Variants in ME3 observed in about 807,000 individuals in gnomAD.
ME3 encodes NADP-dependent malic enzyme, mitochondrial.
Under a neutral mutation model 68.9 loss-of-function variants are expected in ME3, and 48 were observed. That is an observed-to-expected ratio of 0.70 (90% CI 0.55 to 0.89). The LOEUF is 0.89. ME3 is among the 40% of genes least tolerant of loss of function. The pLI is 0.00. For synonymous variants in ME3, 320 were observed against 318.8 expected (o/e 1.00, Z -0.04); for missense variants, 675 against 797.4 (o/e 0.85, Z 1.85).
chr11:86,666,648 A>T (rs959135518), intron 2 of ME3, among the ~76,000 whole-genome samples: 1 of 152,228 alleles, frequency 6.6e-6, no homozygotes, highest in Non-Finnish European at 1.5e-5. Flanking sequence ...TTGAGCTTCA[A>T]TGCAACTGAG....
chr11:86,440,298 C>T (rs936046101), downstream of ME3, among the ~76,000 whole-genome samples: 3 of 152,198 alleles, frequency 2.0e-5, no homozygotes, highest in African/African-American at 4.8e-5. Context: ...CTCCTGCCCC[C>T]ACCCCTATGA....
intron 4 of ME3, among the ~76,000 whole-genome samples, chr11:86,530,934 A>G (rs1045098586): frequency 1.3e-5 from 2 of 152,162 alleles, no homozygotes; most frequent in South Asian, 2.1e-4. Context: ...GGACATAGGC[A>G]TGTGCAAGGA....
intron 2 of ME3, among the ~76,000 whole-genome samples, chr11:86,562,257 A>G (rs975949926): frequency 6.6e-6 from 1 of 152,194 alleles, no homozygotes; most frequent in African/African-American, 2.4e-5. Context: ...ATAACATTCC[A>G]CTGTACATTT....
chr11:86,446,750 C>A (rs1032663231), intron 12 of ME3: 15 of 595,678 alleles, frequency 2.5e-5, no homozygotes, highest in Non-Finnish European at 3.8e-5. Flanking sequence ...GTGGGGCCAA[C>A]CCAGGACATG....
intron 8 of ME3, among the ~76,000 whole-genome samples, chr11:86,457,138 T>A (rs184841794): frequency 1.3e-5 from 2 of 152,336 alleles, no homozygotes; most frequent in East Asian, 3.9e-4. Flanking sequence ...CCACTCCTAT[T>A]TCCTGCATAT....
intron 4 of ME3, among the ~76,000 whole-genome samples, chr11:86,533,897 C>T (rs1341233210): frequency 2.6e-5 from 4 of 152,006 alleles, no homozygotes; most frequent in East Asian, 3.8e-4. Flanking sequence ...ACCTACGCTA[C>T]GTGGTATAGC....
the ME3 span, chr11:86,435,251 T>C: frequency 6.6e-6 from 1 of 152,216 alleles, no homozygotes; most frequent in Non-Finnish European, 1.5e-5. Flanking sequence ...TGAAAATCTC[T>C]CTAGAGACTT....
intron 2 of ME3, among the ~76,000 whole-genome samples, chr11:86,598,130 C>T (rs558617705): frequency 1.8e-4 from 27 of 152,068 alleles, no homozygotes; most frequent in Admixed American, 3.9e-4. Context: ...ATGCGCCAGC[C>T]GAAGCAGGGC....
chr11:86,484,926 A>G (rs2138909329), intron 7 of ME3, among the ~76,000 whole-genome samples: 1 of 152,298 alleles, frequency 6.6e-6, no homozygotes, highest in South Asian at 2.1e-4. Flanking sequence ...GGTTGGCTAC[A>G]GAGGATTTTT....
At chr11:86,594,645 G>T (rs1228824272) in intron 2 of ME3, among the ~76,000 whole-genome samples, 1 of 146,108 alleles carries the variant, frequency 6.8e-6, no homozygotes, top group Non-Finnish European at 1.5e-5. Flanking sequence ...AGTGAGCTGT[G>T]ATTGCACCAC....
intron 7 of ME3, among the ~76,000 whole-genome samples, chr11:86,483,527 A>T (rs1380890406): frequency 1.3e-5 from 2 of 152,054 alleles, no homozygotes; most frequent in Non-Finnish European, 2.9e-5. Context: ...GATTATGGTG[A>T]GGGGAAAGAG....
exon 12 of ME3, chr11:86,447,158 C>T: frequency 6.2e-7 from 1 of 1,614,194 alleles, no homozygotes. Flanking sequence ...GGAAGGAGGC[C>T]ATGTCCCTCA....
intron 4 of ME3, among the ~76,000 whole-genome samples, chr11:86,519,619 G>T (rs576083539): frequency 1.2e-3 from 189 of 152,314 alleles, no homozygotes; most frequent in Middle Eastern, 3.4e-3. Flanking sequence ...TCTAACAAAG[G>T]CTCGCTGTTG....
chr11:86,512,580 G>A (rs1413795871), intron 4 of ME3, among the ~76,000 whole-genome samples: 1 of 152,208 alleles, frequency 6.6e-6, no homozygotes, highest in African/African-American at 2.4e-5. Flanking sequence ...TTGGAACAAA[G>A]GCAACTTGTG....
At position 86,607,460 on chromosome 11, in the gene ME3, T is replaced by G. The variant is rs556754104; in HGVS notation, c.184-47637A>C. ...ATGAGTTGAGAGGCATAGTTTTTTT[T>G]TTTTTTTTTTTTTAAACTTCAGGGG... On this transcript the variant is annotated intron_variant, in intron 2 of 14. Transcript: ENST00000543262. 2.0e-5 allele frequency among the ~76,000 whole-genome samples: 3 copies of G among 150,858 alleles called. No homozygotes were observed. In the South Asian group the frequency reaches 6.3e-4, roughly 32 times the overall value.
At chr11:86,461,324 G>T (rs554962402) in intron 8 of ME3, among the ~76,000 whole-genome samples, 1 of 152,194 alleles carries the variant, frequency 6.6e-6, no homozygotes, top group Non-Finnish European at 1.5e-5. Flanking sequence ...GTGAGGGAGG[G>T]GGGGATGTTG....
At position 86,528,922 on chromosome 11, in the gene ME3, T is replaced by C. The variant is rs533884812; in HGVS notation, c.468-20055A>G. ...GAAAGCAGGAAAGATCTAAGATTGA[T>C]ACCCTAACATCACAATTAAAAGAAC... is the stretch of plus-strand genomic sequence containing the variant. On this transcript the variant is annotated intron_variant, in intron 4 of 14. Coordinates refer to ENST00000543262, the Ensembl canonical transcript of ME3. 1.9e-4 allele frequency among the ~76,000 whole-genome samples: 29 copies of C among 152,092 alleles called. No individual in the cohort carries two copies. In the South Asian group the frequency reaches 5.6e-3, roughly 30 times the overall value.
At chr11:86,524,669 G>A (rs1034447295) in intron 4 of ME3, among the ~76,000 whole-genome samples, 10 of 152,150 alleles carry the variant, frequency 6.6e-5, no homozygotes, top group Admixed American at 1.3e-4. Flanking sequence ...AGCTATCATT[G>A]CATATTAGTT....
intron 4 of ME3, among the ~76,000 whole-genome samples, chr11:86,529,548 C>A (rs1391168597): frequency 6.6e-6 from 1 of 151,972 alleles, no homozygotes; most frequent in Non-Finnish European, 1.5e-5. Context: ...GGCAGAGACA[C>A]AACAAAAAAA....
Sources: gnomAD v4.1 joint callset for allele counts (sites outside exome capture counted in the v4.1 genomes callset) on GRCh38, gnomAD v4.1.1 for gene constraint, MANE v1.5 for transcripts, NCBI Gene and HGNC (gene_info 2026-07-23, HGNC 2026-07-21) for gene names.